The following MBNL2 variants were observed in gnomAD, a reference collection of about 807,000 sequenced individuals.
MBNL2 encodes muscleblind-like protein 2.
A neutral mutation model predicts 41.9 loss-of-function variants in MBNL2; 17 were observed. That is an observed-to-expected ratio of 0.41 (90% CI 0.28 to 0.61). The LOEUF (loss-of-function observed/expected upper bound fraction) is 0.61. Among genes scored for constraint, MBNL2 ranks in the 20% least tolerant of loss-of-function variants. MBNL2 has a pLI of 0.35. For synonymous variants in MBNL2, 195 were observed against 182.9 expected, an observed-to-expected ratio of 1.07 and a Z score of -0.53; for missense variants, 336 against 505.6, an observed-to-expected ratio of 0.66 and a Z score of 3.22.
intron 1 of MBNL2, among the ~76,000 whole-genome samples, chr13:97,255,622 GCT>G (rs2047376886): frequency 6.6e-6 from 1 of 152,198 alleles, no homozygotes; most frequent in African/African-American, 2.4e-5. Flanking sequence ...AGGCAATGAG[GCT>G]ACCCGTAGAT....
At chr13:97,337,144 T>C (rs2060956781) in intron 3 of MBNL2, among the ~76,000 whole-genome samples, 1 of 152,076 alleles carries the variant, frequency 6.6e-6, no homozygotes. Context: ...AGTGCCCTTA[T>C]AAGAAAAGAC....
At chr13:97,348,720 A>C (rs552956103) in intron 5 of MBNL2, among the ~76,000 whole-genome samples, 17 of 152,276 alleles carry the variant, frequency 1.1e-4, no homozygotes, top group African/African-American at 3.9e-4. Context: ...CAAGAAGGAG[A>C]GCTATGACTG....
chr13:97,292,442 C>T (rs1421778854), intron 2 of MBNL2, among the ~76,000 whole-genome samples: 1 of 152,142 alleles, frequency 6.6e-6, no homozygotes, highest in Non-Finnish European at 1.5e-5. Flanking sequence ...TAAACATATC[C>T]TGTGTAATTG....
At chr13:97,248,636 G>A (rs1299252375) in intron 1 of MBNL2, among the ~76,000 whole-genome samples, 1 of 152,000 alleles carries the variant, frequency 6.6e-6, no homozygotes, top group Non-Finnish European at 1.5e-5. Flanking sequence ...ACCATTTAAA[G>A]CACAAAAAGA....
the MBNL2 span, among the ~76,000 whole-genome samples, chr13:97,161,251 G>T: frequency 6.6e-6 from 1 of 152,186 alleles, no homozygotes; most frequent in Admixed American, 6.6e-5. Flanking sequence ...ATACTCTGGT[G>T]GCTAAGAGCT....
the MBNL2 span, among the ~76,000 whole-genome samples, chr13:97,213,859 T>C: frequency 2.0e-5 from 3 of 152,106 alleles, no homozygotes; most frequent in Admixed American, 2.0e-4. Flanking sequence ...ACCAGTTGCA[T>C]TTAATTTTTA....
the MBNL2 span, among the ~76,000 whole-genome samples, chr13:97,197,418 C>G: frequency 6.6e-6 from 1 of 152,138 alleles, no homozygotes; most frequent in South Asian, 2.1e-4. Context: ...TATGTATATT[C>G]CATTAACATG....
At chr13:97,350,749 A>G (rs575521012) in intron 5 of MBNL2, among the ~76,000 whole-genome samples, 1 of 152,338 alleles carries the variant, frequency 6.6e-6, no homozygotes, top group Non-Finnish European at 1.5e-5. Context: ...CTCGACTTCT[A>G]TTAAGAATTC....
At chr13:97,159,261 C>T in the MBNL2 span, among the ~76,000 whole-genome samples, 11,033 of 150,674 alleles carry the variant, frequency 0.073, 636 homozygotes, top group African/African-American at 0.16. Context: ...AGATCTTCCT[C>T]CATCCTTTTA....
intron 8 of MBNL2, among the ~76,000 whole-genome samples, chr13:97,367,357 ACT>A (rs1369676635): frequency 2.6e-5 from 4 of 151,878 alleles, no homozygotes; most frequent in African/African-American, 9.7e-5. Flanking sequence ...GTGAGCAGAA[ACT>A]CTCACCTCGC....
chr13:97,191,144 A>G, the MBNL2 span, among the ~76,000 whole-genome samples: 4 of 151,868 alleles, frequency 2.6e-5, no homozygotes, highest in Admixed American at 6.6e-5. Flanking sequence ...CTTTTTTTCA[A>G]TTTCCATGAG....
the MBNL2 span, among the ~76,000 whole-genome samples, chr13:97,190,670 T>C: frequency 6.6e-6 from 1 of 152,186 alleles, no homozygotes; most frequent in African/African-American, 2.4e-5. Flanking sequence ...ACCACCTGTC[T>C]TTTGCATAGT....
intron 1 of MBNL2, among the ~76,000 whole-genome samples, chr13:97,258,970 C>A (rs2048084486): frequency 6.6e-6 from 1 of 152,136 alleles, no homozygotes; most frequent in Non-Finnish European, 1.5e-5. Context: ...TATGTTAACC[C>A]CCAGAGTATG....
Position 97,291,156 on chromosome 13 carries a change from A to T in MBNL2, c.174+14747A>T, listed in dbSNP as rs112525317. ...TAAAAAAAGCCTCTGCATCACTCAC[A>T]TTACTAGCAATGCCACCCGGCTGGG... On this transcript the variant is annotated intron_variant, in intron 2 of 8. Coordinates refer to ENST00000679496, the MANE Select transcript of MBNL2 (RefSeq NM_001382683.1). Among the ~76,000 whole-genome samples, 8 of 152,220 alleles carry T rather than the reference A, an allele frequency of 5.3e-5. 1 individual carries two copies. The highest frequency in any genetic ancestry group is 1.9e-4 in the African/African-American group (8 of 41,524).
chr13:97,218,440 C>CAAACAAAAAAAAA (rs1555302256), upstream of MBNL2, among the ~76,000 whole-genome samples: 2 of 117,974 alleles, frequency 1.7e-5, no homozygotes, highest in Non-Finnish European at 3.4e-5. Flanking sequence ...CAAAACAAAA[C>CAAACAAAAAAAAA]AAAAAAAAAA....
At position 97,346,803 on chromosome 13, in the gene MBNL2, G is replaced by C. The variant is rs1399597347; in HGVS notation, c.541-1G>C. The C allele has an allele frequency of 6.2e-7, 1 of 1,613,592 alleles. No individual in the cohort carries two copies. Among genetic ancestry groups the C allele is most frequent in the Non-Finnish European group, 8.5e-7 (1 of 1,179,596 alleles). On this transcript the variant is annotated splice_acceptor_variant, in intron 4 of 8. Coordinates refer to ENST00000679496, the MANE Select transcript of MBNL2 (RefSeq NM_001382683.1). LOFTEE classifies it high-confidence loss of function. The surrounding 1 kb of genome is among the most constrained non-coding windows in gnomAD (Gnocchi z 4.2). ...AGCGCGGCTCTTCTTCCCTGTCTTA[G>C]GTATGCAGGGAGTTCCAGCGAGGAA...
At chr13:97,286,789 T>C (rs956508657) in intron 2 of MBNL2, among the ~76,000 whole-genome samples, 2 of 152,172 alleles carry the variant, frequency 1.3e-5, no homozygotes, top group Non-Finnish European at 2.9e-5. Context: ...CAGTTCTTCA[T>C]GTTAGTCTGG....
Position 97,235,362 on chromosome 13 carries a change from G to A in MBNL2, c.-605+12831G>A, listed in dbSNP as rs191648213. Among the ~76,000 whole-genome samples the A allele has an allele frequency of 1.6e-3, 245 of 152,264 alleles. 1 individual carries two copies. Among genetic ancestry groups the A allele is most frequent in the African/African-American group, 5.6e-3 (232 of 41,560 alleles). On this transcript the variant is annotated intron_variant, in intron 1 of 8. Coordinates refer to ENST00000679496, the MANE Select transcript of MBNL2 (RefSeq NM_001382683.1). ...AGAGCATGAGTTTTCCCCACTCGGT[G>A]AAATTTATGTTGTATAACGCAGACC...
At chr13:97,243,915 G>A (rs187914282) in intron 1 of MBNL2, among the ~76,000 whole-genome samples, 12 of 152,168 alleles carry the variant, frequency 7.9e-5, no homozygotes, top group Admixed American at 6.5e-4. Flanking sequence ...AAAAAAGGTA[G>A]AGGGAAACTT....
Sources: gnomAD v4.1 joint callset for allele counts (sites outside exome capture counted in the v4.1 genomes callset) on GRCh38, gnomAD v4.1.1 for gene constraint, Gnocchi (gnomAD v3.1) non-coding constraint, MANE v1.5 for transcripts, NCBI Gene and HGNC (gene_info 2026-07-23, HGNC 2026-07-21) for gene names.